DPP6: variants seen among roughly 807,000 people sequenced by gnomAD.
DPP6 encodes A-type potassium channel modulatory protein DPP6.
DPP6 carries 69 observed loss-of-function variants against 122.6 expected under a neutral mutation model. The ratio of observed to expected loss-of-function variants is 0.56; its 90% CI spans 0.46 to 0.69. The LOEUF (loss-of-function observed/expected upper bound fraction) is 0.69, where lower values mean the gene tolerates loss of function less well. DPP6 is among the 30% of genes least tolerant of loss of function. The pLI, the probability that DPP6 is intolerant of heterozygous loss-of-function variation, is 0.00. For missense variants in DPP6, 928 were observed against 1,116.9 expected, an observed-to-expected ratio of 0.83 and a Z score of 2.41; for synonymous variants, 418 against 433.1, an observed-to-expected ratio of 0.97 and a Z score of 0.43.
intron 1 of DPP6, among the ~76,000 whole-genome samples, chr7:153,979,673 C>G (rs1796481081): frequency 6.6e-6 from 1 of 152,158 alleles, no homozygotes; most frequent in South Asian, 2.1e-4. Context: ...GTGATATTGG[C>G]TGTGGGTTTG....
intron 1 of DPP6, among the ~76,000 whole-genome samples, chr7:154,246,226 T>C (rs1350756266): frequency 6.6e-6 from 1 of 152,146 alleles, no homozygotes; most frequent in African/African-American, 2.4e-5. Flanking sequence ...TGTCAAGGCT[T>C]TCTGGATACA....
At chr7:153,922,996 A>G (rs1800712486) in intron 1 of DPP6, among the ~76,000 whole-genome samples, 1 of 152,264 alleles carries the variant, frequency 6.6e-6, no homozygotes, top group Non-Finnish European at 1.5e-5. Flanking sequence ...TAATAAACCC[A>G]AAGTTTGCAG....
At chr7:154,552,292 A>G (rs1829695845) in intron 4 of DPP6, among the ~76,000 whole-genome samples, 1 of 152,188 alleles carries the variant, frequency 6.6e-6, no homozygotes, top group Non-Finnish European at 1.5e-5. Flanking sequence ...TTTCGCCCCA[A>G]ACCTCCAGGG....
intron 1 of DPP6, among the ~76,000 whole-genome samples, chr7:153,937,320 C>G (rs962183745): frequency 3.9e-5 from 6 of 152,112 alleles, no homozygotes; most frequent in African/African-American, 1.4e-4. Context: ...AGCCTCAATT[C>G]CCTCCTAACT....
intron 1 of DPP6, among the ~76,000 whole-genome samples, chr7:154,135,425 A>C (rs549922198): frequency 1.4e-5 from 2 of 147,416 alleles, no homozygotes; most frequent in African/African-American, 5.1e-5. Context: ...ACTTCCTAAG[A>C]GAGCATGCTT....
At chr7:154,109,022 A>C (rs2150581844) in intron 1 of DPP6, among the ~76,000 whole-genome samples, 1 of 152,306 alleles carries the variant, frequency 6.6e-6, no homozygotes, top group South Asian at 2.1e-4. Context: ...AGCTTATGTC[A>C]TGGGGGTTTG....
At chr7:154,643,014 T>C (rs1836207177) in intron 6 of DPP6, among the ~76,000 whole-genome samples, 1 of 152,240 alleles carries the variant, frequency 6.6e-6, no homozygotes, top group East Asian at 1.9e-4. Context: ...TGTAGTCTTA[T>C]AATTAAATAT....
chr7:154,115,807 A>G (rs1806944664), intron 1 of DPP6, among the ~76,000 whole-genome samples: 2 of 152,194 alleles, frequency 1.3e-5, no homozygotes, highest in Non-Finnish European at 2.9e-5. Context: ...TTGTGAATAC[A>G]CAACCATCCA....
rs945001925 is a variant in DPP6 at position 154,483,092 on chromosome 7, AGGGAAGAG to A, written c.457+8066_457+8073del. Among the ~76,000 whole-genome samples the A allele has an allele frequency of 5.9e-5, 9 of 152,018 alleles. No homozygotes were observed. Among genetic ancestry groups the A allele is most frequent in the Non-Finnish European group, 1.3e-4 (9 of 67,976 alleles). The stretch of plus-strand genomic sequence containing the variant: ...GGAGGTACTGCTCAGAGCCTCTCGG[AGGGAAGAG>A]GGGAAGAGGGACACGGAGGTGTCTG... On this transcript the variant is annotated intron_variant, in intron 3 of 25. Coordinates refer to ENST00000377770, the MANE Select transcript of DPP6 (RefSeq NM_130797.4). This position sits in a 1 kb window ranked among gnomAD's most constrained non-coding sequence, Gnocchi z 8.1.
chr7:153,771,472 T>A, the DPP6 span, among the ~76,000 whole-genome samples: 1 of 152,198 alleles, frequency 6.6e-6, no homozygotes, highest in Non-Finnish European at 1.5e-5. Flanking sequence ...CCCAAGTAGC[T>A]GGTATTACAG....
rs934852090 is a variant in DPP6 at position 154,426,866 on chromosome 7, C to T, written c.244-19348C>T. Among the ~76,000 whole-genome samples, 5 of 145,480 alleles carry T rather than the reference C, an allele frequency of 3.4e-5. No individual in the cohort carries two copies. The East Asian group carries it at 6.1e-4, about 18-fold the overall frequency. ...AAATATTCAAAAAAGTTTGTATGCA[C>T]AGAACACAAAATTCCAAGAGAATTA... On this transcript the variant is annotated intron_variant, in intron 1 of 25. Coordinates refer to ENST00000377770, the MANE Select transcript of DPP6 (RefSeq NM_130797.4).
intron 1 of DPP6, among the ~76,000 whole-genome samples, chr7:154,261,756 A>T (rs1325927782): frequency 6.6e-6 from 1 of 152,220 alleles, no homozygotes; most frequent in East Asian, 1.9e-4. Context: ...TCCCAAAAGA[A>T]GATATACAAA....
At chr7:154,073,079 C>G (rs535871144) in intron 1 of DPP6, among the ~76,000 whole-genome samples, 1 of 152,084 alleles carries the variant, frequency 6.6e-6, no homozygotes, top group Non-Finnish European at 1.5e-5. Context: ...GTGCAGAGAC[C>G]CTGGAGTAGC....
intron 6 of DPP6, among the ~76,000 whole-genome samples, chr7:154,639,198 A>G (rs959457931): frequency 6.6e-6 from 1 of 152,248 alleles, no homozygotes; most frequent in South Asian, 2.1e-4. Flanking sequence ...AGACAAAGGG[A>G]AGACGCATGT....
chr7:154,261,171 G>A (rs1802991121), intron 1 of DPP6, among the ~76,000 whole-genome samples: 1 of 152,202 alleles, frequency 6.6e-6, no homozygotes, highest in Non-Finnish European at 1.5e-5. Context: ...TGGGATTACA[G>A]GCATGAGCTG....
intron 5 of DPP6, among the ~76,000 whole-genome samples, chr7:154,590,110 C>A (rs752876010): frequency 6.6e-6 from 1 of 152,086 alleles, no homozygotes; most frequent in Non-Finnish European, 1.5e-5. Flanking sequence ...TTGGGAAAAA[C>A]ACAAACCGAT....
intron 1 of DPP6, among the ~76,000 whole-genome samples, chr7:154,143,247 A>G (rs1457243648): frequency 2.6e-5 from 4 of 152,240 alleles, no homozygotes; most frequent in Admixed American, 2.6e-4. Flanking sequence ...GCGGATTGCC[A>G]GATAAGTCTT....
chr7:154,086,431 G>A (rs955702279), intron 1 of DPP6, among the ~76,000 whole-genome samples: 3 of 147,926 alleles, frequency 2.0e-5, no homozygotes, highest in African/African-American at 7.5e-5. Flanking sequence ...AGCAGGAAGG[G>A]CACTGTGGTG....
chr7:154,873,952 A>ACACG (rs1482394150), intron 19 of DPP6, among the ~76,000 whole-genome samples: 50 of 144,886 alleles, frequency 3.5e-4, no homozygotes, highest in African/African-American at 1.3e-3. Flanking sequence ...ACATGCACAC[A>ACACG]CACACGCACC....
Sources: gnomAD v4.1 joint callset for allele counts (sites outside exome capture counted in the v4.1 genomes callset) on GRCh38, gnomAD v4.1.1 for gene constraint, Gnocchi (gnomAD v3.1) non-coding constraint, MANE v1.5 for transcripts, NCBI Gene and HGNC (gene_info 2026-07-23, HGNC 2026-07-21) for gene names.